Variants in MON2 observed in about 807,000 individuals in gnomAD.
The protein encoded by MON2 is MON2 regulator of endosome-to-Golgi trafficking, also known as protein MON2 homolog.
Under a neutral mutation model 208.6 loss-of-function variants are expected in MON2, and 84 were observed. That is an observed-to-expected ratio of 0.40 (90% CI 0.34 to 0.48). The LOEUF (loss-of-function observed/expected upper bound fraction) is 0.48. Ranked by LOEUF, MON2 falls within the 20% of genes least tolerant of loss-of-function variation. The pLI, the probability that MON2 is intolerant of heterozygous loss-of-function variation, is 0.59. For synonymous variants in MON2, 660 were observed against 694.0 expected (o/e 0.95, Z 0.77); for missense variants, 1,611 against 2,015.4 (o/e 0.80, Z 3.84).
chr12:62,575,752 G>A (rs1240018139), intron 30 of MON2, among the ~76,000 whole-genome samples: 1 of 152,148 alleles, frequency 6.6e-6, no homozygotes, highest in Non-Finnish European at 1.5e-5. Flanking sequence ...AGGGCTATAA[G>A]TAAACAGTTT....
intron 12 of MON2, among the ~76,000 whole-genome samples, chr12:62,534,302 C>G (rs972027175): frequency 1.3e-5 from 2 of 151,108 alleles, no homozygotes; most frequent in African/African-American, 2.4e-5. Context: ...GGGTGGATCA[C>G]GAGGTCAGGA....
chr12:62,507,513 C>T (rs1266443097), intron 7 of MON2, among the ~76,000 whole-genome samples: 1 of 151,798 alleles, frequency 6.6e-6, no homozygotes, highest in Non-Finnish European at 1.5e-5. Context: ...GAGACAGGGT[C>T]TCCCTGTGTT....
intron 8 of MON2, among the ~76,000 whole-genome samples, chr12:62,520,830 T>A (rs1308920068): frequency 2.0e-5 from 3 of 147,190 alleles, no homozygotes; most frequent in Non-Finnish European, 4.5e-5. Flanking sequence ...TAAGATATTA[T>A]ATGTATAATA....
chr12:62,496,187 T>C (rs2070476297), intron 4 of MON2, among the ~76,000 whole-genome samples: 1 of 152,024 alleles, frequency 6.6e-6, no homozygotes, highest in Non-Finnish European at 1.5e-5. Flanking sequence ...TAGGCTTATA[T>C]GAGCTATATA....
rs182228244 is a variant in MON2 at position 62,580,688 on chromosome 12, A to G, written c.4699+268A>G. Among the ~76,000 whole-genome samples, 23 of 152,328 alleles carry G rather than the reference A, an allele frequency of 1.5e-4. No individual in the cohort carries two copies. The East Asian group carries it at 4.4e-3, about 29-fold the overall frequency. ...AAACACTGAACTAAATTTTTTAAAT[A>G]TCATAACTGCAAACTGTGAAGAATT... On this transcript the variant is annotated intron_variant, in intron 32 of 34. Coordinates refer to ENST00000393630, the MANE Select transcript of MON2 (RefSeq NM_015026.3).
chr12:62,498,455 A>G (rs894653382), intron 4 of MON2, among the ~76,000 whole-genome samples: 2 of 152,214 alleles, frequency 1.3e-5, no homozygotes, highest in Admixed American at 6.5e-5. Context: ...ATCAAATTAT[A>G]TAAGTTTAAG....
chr12:62,477,588 T>C (rs1189663205), intron 1 of MON2, among the ~76,000 whole-genome samples: 2 of 139,388 alleles, frequency 1.4e-5, no homozygotes, highest in Non-Finnish European at 3.1e-5. Context: ...CTAATTTTTT[T>C]TTTTTTTTTT....
intron 1 of MON2, chr12:62,482,888 G>C (rs756510163): frequency 7.2e-5 from 11 of 152,042 alleles, no homozygotes; most frequent in Admixed American, 2.0e-4. Flanking sequence ...TGAAAAATTA[G>C]CTGGACATGG....
chr12:62,476,322 C>T lies in MON2; in HGVS notation c.112-7848C>T, dbSNP rs542431515. ...AGTACTCCCAGTGTACACTTGACTT[C>T]GGGTCTTTTGATTTTACCTGACATC... is the stretch of plus-strand genomic sequence containing the variant. On this transcript the variant is annotated intron_variant, in intron 1 of 34. Transcript: ENST00000393630. Among the ~76,000 whole-genome samples, 12 of 152,262 alleles carry T rather than the reference C, an allele frequency of 7.9e-5. No homozygotes were observed. The East Asian group carries it at 1.2e-3, about 15-fold the overall frequency.
intron 1 of MON2, among the ~76,000 whole-genome samples, chr12:62,479,410 A>G (rs1418070760): frequency 7.1e-6 from 1 of 141,838 alleles, no homozygotes; most frequent in Non-Finnish European, 1.5e-5. Flanking sequence ...GTATTTTAAA[A>G]TGTGTGTGTG....
At chr12:62,557,964 T>A (rs10669845) in intron 25 of MON2, among the ~76,000 whole-genome samples, 112 of 47,080 alleles carry the variant, frequency 2.4e-3, no homozygotes, top group South Asian at 3.3e-3. Context: ...ATATATATAT[T>A]TTTTTTTTTT....
At position 62,566,024 on chromosome 12, in the gene MON2, T is replaced by A. The variant is rs1236720364; in HGVS notation, c.4187T>A (p.Phe1396Tyr). 6.2e-7 allele frequency: 1 copy of A among 1,610,972 alleles called. No homozygotes were observed. The highest frequency in any genetic ancestry group is 8.5e-7 in the Non-Finnish European group (1 of 1,178,470). The change falls in exon 28 of 35, where the codon TTT becomes TAT. Residue 1396 changes from phenylalanine (F) to tyrosine (Y), a missense_variant. Transcript: ENST00000393630. Reference sequence around the variant, plus strand: ...ATGGAATCACAATAGATCCAACTATTTGCACCGGTGAGTTAAATTTCCTAA... The same window carrying A: ...ATGGAATCACAATAGATCCAACTATATGCACCGGTGAGTTAAATTTCCTAA... ...ANAKYNQIQL[F>Y]APAEWVALNY...
intron 7 of MON2, among the ~76,000 whole-genome samples, chr12:62,507,691 ATTAC>A (rs990078700): frequency 3.3e-5 from 5 of 151,984 alleles, no homozygotes; most frequent in Admixed American, 6.6e-5. Flanking sequence ...TTAATCACCA[ATTAC>A]TTACTTCTAA....
rs780345859 is a variant in MON2 at position 62,547,079 on chromosome 12, A to G, written c.2753+7A>G. 7.0e-7 allele frequency: 1 copy of G among 1,427,832 alleles called. No homozygotes were observed. Among genetic ancestry groups the G allele is most frequent in the East Asian group, 2.6e-5 (1 of 39,082 alleles). 88.4% of individuals were successfully genotyped at this position (1,427,832 alleles called of 1,614,324 possible). A position where few individuals can be genotyped will look rare whatever the true frequency, so the allele number is the denominator to read the frequency against. Reference sequence around the variant, plus strand: ...CAATCAGAAATGATCAAGGGTAAGTATTTAAAATTATTTGAGAAAAAATAT... The same window carrying G: ...CAATCAGAAATGATCAAGGGTAAGTGTTTAAAATTATTTGAGAAAAAATAT... On this transcript the variant is annotated splice_region_variant and intron_variant, in intron 22 of 34. Transcript: ENST00000393630.
intron 26 of MON2, among the ~76,000 whole-genome samples, chr12:62,563,470 TAGAC>T (rs1453772679): frequency 3.3e-5 from 5 of 152,122 alleles, no homozygotes; most frequent in African/African-American, 4.8e-5. Context: ...TGTCTTCAAA[TAGAC>T]AGCTTTCAAG....
intron 22 of MON2, among the ~76,000 whole-genome samples, chr12:62,547,497 G>A (rs2073540997): frequency 6.6e-6 from 1 of 152,160 alleles, no homozygotes; most frequent in South Asian, 2.1e-4. Flanking sequence ...TAGGCAGTCA[G>A]AAATTGCTTT....
intron 7 of MON2, among the ~76,000 whole-genome samples, chr12:62,503,879 A>G (rs1268138937): frequency 6.6e-6 from 1 of 152,132 alleles, no homozygotes; most frequent in Non-Finnish European, 1.5e-5. Flanking sequence ...GTTGTGTAAA[A>G]TGGCAACCTT....
intron 2 of MON2, among the ~76,000 whole-genome samples, chr12:62,491,636 C>CGAT: frequency 6.6e-6 from 1 of 152,158 alleles, no homozygotes; most frequent in Non-Finnish European, 1.5e-5. Flanking sequence ...AATAGTGAAC[C>CGAT]AGGAGTTAGA....
At chr12:62,557,423 C>T (rs1417173966) in intron 25 of MON2, among the ~76,000 whole-genome samples, 2 of 152,188 alleles carry the variant, frequency 1.3e-5, no homozygotes, top group African/African-American at 4.8e-5. Flanking sequence ...TGATGCTACA[C>T]ATCTTACAAT....
Sources: gnomAD v4.1 joint callset for allele counts (sites outside exome capture counted in the v4.1 genomes callset) on GRCh38, gnomAD v4.1.1 for gene constraint, MANE v1.5 for transcripts, NCBI Gene and HGNC (gene_info 2026-07-23, HGNC 2026-07-21) for gene names.